The following SHC3 variants were observed in gnomAD, a reference collection of about 807,000 sequenced individuals.
The protein encoded by SHC3 is SHC-transforming protein 3.
SHC3 carries 15 observed loss-of-function variants against 60.4 expected under a neutral mutation model. The observed-to-expected ratio is 0.25, with a 90% confidence interval of 0.17 to 0.38. SHC3 has a LOEUF of 0.38. SHC3 is among the 10% of genes least tolerant of loss of function. SHC3 has a pLI of 1.00. For missense variants in SHC3, 677 were observed against 786.1 expected (o/e 0.86, Z 1.66); for synonymous variants, 294 against 325.9 (o/e 0.90, Z 1.05).
intron 1 of SHC3, among the ~76,000 whole-genome samples, chr9:89,125,338 A>T (rs1424746840): frequency 2.6e-5 from 4 of 151,778 alleles, no homozygotes; most frequent in African/African-American, 9.7e-5. Flanking sequence ...TGGTTCTTTA[A>T]TTGTTTAATG....
intron 6 of SHC3, among the ~76,000 whole-genome samples, chr9:89,057,057 T>A (rs1270516704): frequency 1.3e-5 from 2 of 152,204 alleles, no homozygotes; most frequent in Non-Finnish European, 2.9e-5. Flanking sequence ...CCAGCCACAT[T>A]CCAGAGCAGC....
intron 2 of SHC3, among the ~76,000 whole-genome samples, chr9:89,096,428 A>G (rs1358703737): frequency 6.6e-6 from 1 of 152,206 alleles, no homozygotes; most frequent in Admixed American, 6.5e-5. Flanking sequence ...GGAGGGGTAG[A>G]CAGTGATAAT....
chr9:89,020,495 C>G (rs549584380), intron 11 of SHC3, among the ~76,000 whole-genome samples: 1 of 152,126 alleles, frequency 6.6e-6, no homozygotes, highest in Non-Finnish European at 1.5e-5. Flanking sequence ...GAGGGCTCCT[C>G]CTCTGGCTGT....
chr9:89,117,859 T>G (rs940268231), intron 1 of SHC3, among the ~76,000 whole-genome samples: 4 of 152,164 alleles, frequency 2.6e-5, no homozygotes, highest in South Asian at 2.1e-4. Flanking sequence ...AGTTATGATA[T>G]TTAGCTGCCA....
chr9:89,101,664 A>C (rs1434504883), intron 2 of SHC3, among the ~76,000 whole-genome samples: 1 of 151,046 alleles, frequency 6.6e-6, no homozygotes, highest in Non-Finnish European at 1.5e-5. Context: ...GATTTTTTTT[A>C]ATGTTGACTC....
At chr9:89,062,229 A>G (rs144091620) in intron 6 of SHC3, among the ~76,000 whole-genome samples, 1 of 152,324 alleles carries the variant, frequency 6.6e-6, no homozygotes, top group Non-Finnish European at 1.5e-5. Flanking sequence ...TAAAAAGAAA[A>G]TGATATGTTA....
chr9:89,029,303 T>C (rs1824431993), intron 11 of SHC3, among the ~76,000 whole-genome samples: 3 of 151,830 alleles, frequency 2.0e-5, no homozygotes, highest in Admixed American at 1.3e-4. Context: ...CCTAGAACAA[T>C]GAATAGAAAA....
At chr9:89,109,934 G>C in intron 2 of SHC3, 12 of 985,400 alleles carry the variant, frequency 1.2e-5, no homozygotes, top group Non-Finnish European at 1.4e-5. Context: ...ACTGACAGCT[G>C]ACCTGCATGT....
intron 1 of SHC3, 61 bp downstream of exon 1, chr9:89,177,926 A>T (rs1826966314): frequency 1.7e-6 from 2 of 1,165,550 alleles, no homozygotes; most frequent in Non-Finnish European, 1.1e-6. Context: ...GGAATGAAGG[A>T]GTCTGCCCCG....
At chr9:89,154,664 A>T (rs1003312843) in intron 1 of SHC3, among the ~76,000 whole-genome samples, 3 of 152,210 alleles carry the variant, frequency 2.0e-5, no homozygotes, top group Admixed American at 6.5e-5. Context: ...TATTAATATA[A>T]ATGCCATATA....
Position 89,009,850 on chromosome 9 carries a change from A to G in SHC3, c.*3597T>C, listed in dbSNP as rs1022140455. On this transcript the variant is annotated 3_prime_UTR_variant, in exon 12 of 12. Coordinates refer to ENST00000375835, the MANE Select transcript of SHC3 (RefSeq NM_016848.6). ...CAAGCATTGCTTATAGAAAGAAGCT[A>G]CCCAAGTGTCGGACGCTACTGAAAA... The G allele has an allele frequency of 2.0e-5, 3 of 152,162 alleles. No homozygotes were observed. The highest frequency in any genetic ancestry group is 7.2e-5 in the African/African-American group (3 of 41,436). The allele number at this position is 152,162 out of a possible 1,614,324, so 9.4% of individuals were successfully genotyped here. A position where few individuals can be genotyped will look rare whatever the true frequency, so the allele number is the denominator to read the frequency against.
intron 1 of SHC3, among the ~76,000 whole-genome samples, chr9:89,131,418 A>G (rs199829992): frequency 1.3e-5 from 2 of 152,194 alleles, no homozygotes; most frequent in Non-Finnish European, 2.9e-5. Flanking sequence ...TGAGGCCAGC[A>G]TCATCCTGAT....
At chr9:89,019,218 A>G (rs1826158278) in intron 11 of SHC3, among the ~76,000 whole-genome samples, 1 of 152,140 alleles carries the variant, frequency 6.6e-6, no homozygotes, top group South Asian at 2.1e-4. Context: ...AAGAAAACCT[A>G]TAGAATTTCT....
At chr9:89,031,254 C>T (rs1587684505) in intron 11 of SHC3, among the ~76,000 whole-genome samples, 1 of 152,206 alleles carries the variant, frequency 6.6e-6, no homozygotes, top group African/African-American at 2.4e-5. Context: ...ATAATCTAGA[C>T]ACCACATTCA....
chr9:89,153,147 A>T (rs779435443), intron 1 of SHC3, among the ~76,000 whole-genome samples: 20 of 152,208 alleles, frequency 1.3e-4, no homozygotes, highest in Non-Finnish European at 2.2e-4. Flanking sequence ...AAAAAGAATT[A>T]AAAAATCATT....
At chr9:89,129,216 A>C (rs1262666765) in intron 1 of SHC3, among the ~76,000 whole-genome samples, 1 of 152,184 alleles carries the variant, frequency 6.6e-6, no homozygotes, top group Admixed American at 6.5e-5. Flanking sequence ...AAAAAAGAGT[A>C]AAAAGAAATG....
chr9:89,136,767 G>A (rs1273159337), intron 1 of SHC3, among the ~76,000 whole-genome samples: 2 of 152,070 alleles, frequency 1.3e-5, no homozygotes, highest in Non-Finnish European at 2.9e-5. Context: ...TCTTTCTTGT[G>A]CGAGATCCAA....
At chr9:89,023,988 G>A (rs913951110) in intron 11 of SHC3, among the ~76,000 whole-genome samples, 2 of 152,200 alleles carry the variant, frequency 1.3e-5, no homozygotes, top group Non-Finnish European at 2.9e-5. Flanking sequence ...GGGAGCTGAG[G>A]ATCTCGTTTC....
intron 1 of SHC3, 139 bp downstream of exon 1, chr9:89,177,848 C>A (rs1417263471): frequency 3.1e-5 from 34 of 1,098,358 alleles, no homozygotes; most frequent in Non-Finnish European, 3.7e-5. Context: ...GAGCTGATTG[C>A]TAAGGAGTGC....
Sources: gnomAD v4.1 joint callset for allele counts (sites outside exome capture counted in the v4.1 genomes callset) on GRCh38, gnomAD v4.1.1 for gene constraint, MANE v1.5 for transcripts, NCBI Gene and HGNC (gene_info 2026-07-23, HGNC 2026-07-21) for gene names.